The following PTPRE variants were observed in gnomAD, a reference collection of about 807,000 sequenced individuals.
PTPRE encodes receptor-type tyrosine-protein phosphatase epsilon.
In PTPRE, 51 loss-of-function variants were observed where a neutral mutation model predicts 102.0. The observed-to-expected ratio is 0.50, with a 90% CI of 0.40 to 0.63. The LOEUF (loss-of-function observed/expected upper bound fraction) is 0.63. PTPRE is among the 30% of genes least tolerant of loss of function. The probability of loss-of-function intolerance (pLI) is 0.00; values close to 1 mark genes in which losing one functional copy is unlikely to be tolerated. For missense variants in PTPRE, 752 were observed against 915.1 expected, an observed-to-expected ratio of 0.82 and a Z score of 2.30; for synonymous variants, 345 against 348.2, an observed-to-expected ratio of 0.99 and a Z score of 0.10.
At chr10:127,936,343 T>A (rs745560931) in intron 1 of PTPRE, among the ~76,000 whole-genome samples, 11 of 152,250 alleles carry the variant, frequency 7.2e-5, no homozygotes, top group Non-Finnish European at 1.0e-4. Flanking sequence ...CTGGTTTTTT[T>A]AATAAAAACA....
At chr10:127,936,794 C>T (rs1281232260) in intron 1 of PTPRE, among the ~76,000 whole-genome samples, 1 of 152,160 alleles carries the variant, frequency 6.6e-6, no homozygotes, top group African/African-American at 2.4e-5. Flanking sequence ...GACCCACCCC[C>T]CACCAGAACC....
chr10:127,934,290 G>A (rs997105746), intron 1 of PTPRE: 2 of 152,170 alleles, frequency 1.3e-5, no homozygotes, highest in African/African-American at 2.4e-5. Flanking sequence ...TTGAGAGCCT[G>A]AATGTGAACC....
At chr10:127,971,716 T>C (rs1273453702) in intron 1 of PTPRE, among the ~76,000 whole-genome samples, 1 of 152,220 alleles carries the variant, frequency 6.6e-6, no homozygotes, top group Non-Finnish European at 1.5e-5. Context: ...GAAGGAGGTT[T>C]ATTAGAATCT....
chr10:127,925,468 A>G (rs1221659993), intron 1 of PTPRE, among the ~76,000 whole-genome samples: 1 of 152,114 alleles, frequency 6.6e-6, no homozygotes, highest in Non-Finnish European at 1.5e-5. Flanking sequence ...TGGTTAACTT[A>G]GTGAGAAAGG....
chr10:127,964,838 C>G (rs1475190452), intron 1 of PTPRE: 1 of 315,084 alleles, frequency 3.2e-6, no homozygotes. Context: ...TAAGCGCTTG[C>G]AGCCAGTTGT....
At position 128,028,816 on chromosome 10, in the gene PTPRE, C is replaced by A. The variant is rs1297354871; in HGVS notation, c.-7-12059C>A. Reference sequence around the variant, plus strand: ...ATGCGACCCAGTCCCCACCCATGGCCACTCACTTCCACCCTGCCCCGGCCC... The same window carrying A: ...ATGCGACCCAGTCCCCACCCATGGCAACTCACTTCCACCCTGCCCCGGCCC... On this transcript the variant is annotated intron_variant, in intron 2 of 20. Coordinates refer to ENST00000254667, the MANE Select transcript of PTPRE (RefSeq NM_006504.6). This position sits in a 1 kb window ranked among gnomAD's most constrained non-coding sequence, Gnocchi z 4.5. 6.6e-6 allele frequency among the ~76,000 whole-genome samples: 1 copy of A among 152,140 alleles called. No homozygotes were observed. Among genetic ancestry groups the A allele is most frequent in the African/African-American group, 2.4e-5 (1 of 41,438 alleles).
intron 2 of PTPRE, among the ~76,000 whole-genome samples, chr10:128,009,970 T>G (rs1451106015): frequency 6.6e-6 from 1 of 152,206 alleles, no homozygotes; most frequent in Non-Finnish European, 1.5e-5. Flanking sequence ...CACTGAGCAA[T>G]GACCATGAGC....
At chr10:127,939,638 A>G (rs1470749918) in intron 1 of PTPRE, among the ~76,000 whole-genome samples, 2 of 152,112 alleles carry the variant, frequency 1.3e-5, no homozygotes, top group Admixed American at 1.3e-4. Flanking sequence ...GCTCTTCCAC[A>G]TGGTCAGGAT....
intron 1 of PTPRE, among the ~76,000 whole-genome samples, chr10:127,977,492 A>C (rs892768174): frequency 6.6e-6 from 1 of 152,210 alleles, no homozygotes; most frequent in Non-Finnish European, 1.5e-5. Context: ...AGCAACCTAC[A>C]TTCTGCCCAC....
intron 1 of PTPRE, among the ~76,000 whole-genome samples, chr10:127,961,938 G>T (rs1025117995): frequency 2.0e-5 from 3 of 152,142 alleles, no homozygotes; most frequent in African/African-American, 7.2e-5. Context: ...TATGAAATTG[G>T]TTCTGCAGGA....
intron 8 of PTPRE, among the ~76,000 whole-genome samples, chr10:128,061,444 G>A (rs1212505196): frequency 1.3e-5 from 2 of 152,220 alleles, no homozygotes; most frequent in Admixed American, 1.3e-4. Flanking sequence ...CTGCATGTCT[G>A]CTTGTGGGTG....
intron 1 of PTPRE, among the ~76,000 whole-genome samples, chr10:127,955,760 A>C (rs1198244131): frequency 6.6e-6 from 1 of 152,196 alleles, no homozygotes; most frequent in Non-Finnish European, 1.5e-5. Flanking sequence ...GGTTTAATTG[A>C]CTAACAGTTC....
At chr10:127,926,457 C>T (rs978852852) in intron 1 of PTPRE, among the ~76,000 whole-genome samples, 2 of 152,228 alleles carry the variant, frequency 1.3e-5, no homozygotes, top group Non-Finnish European at 2.9e-5. Flanking sequence ...TCACCTCCAA[C>T]ATTTCTGTTT....
At chr10:128,074,767 G>A (rs1851086278) in intron 17 of PTPRE, among the ~76,000 whole-genome samples, 2 of 152,090 alleles carry the variant, frequency 1.3e-5, no homozygotes, top group African/African-American at 4.8e-5. Flanking sequence ...TATATACTAG[G>A]AGCGGAATTG....
In PTPRE at chr10:128,070,602, G is replaced by T; in HGVS notation, c.1293+152G>T. On this transcript the variant is annotated intron_variant, in intron 14 of 20. Transcript: ENST00000254667. This position sits in a 1 kb window ranked among gnomAD's most constrained non-coding sequence, Gnocchi z 4.8. ...GCAATACCTGAGCCATGATTTACAA[G>T]GGAAGAAGGATCAGGTGGCTTTCAG... 1 of 1,232,540 alleles carries T rather than the reference G, an allele frequency of 8.1e-7. No individual in the cohort carries two copies. The highest frequency in any genetic ancestry group is 1.1e-6 in the Non-Finnish European group (1 of 902,572). 76.4% of individuals were successfully genotyped at this position (1,232,540 alleles called of 1,614,324 possible). A position where few individuals can be genotyped will look rare whatever the true frequency, so the allele number is the denominator to read the frequency against.
rs560809529 is a variant in PTPRE at position 128,077,325 on chromosome 10, A to G, written c.1726-292A>G. On this transcript the variant is annotated intron_variant, in intron 18 of 20. Coordinates refer to ENST00000254667, the MANE Select transcript of PTPRE (RefSeq NM_006504.6). ...TTGAGAAAGTGATTCCCTTCTCTCCAGCAGAGCTGCCAAGGATCCCGTAGG... is the reference window on the plus strand; with the variant it reads ...TTGAGAAAGTGATTCCCTTCTCTCCGGCAGAGCTGCCAAGGATCCCGTAGG... 6.4e-3 allele frequency among the ~76,000 whole-genome samples: 968 copies of G among 152,364 alleles called. 12 individuals carry two copies. Among genetic ancestry groups the G allele is most frequent in the African/African-American group, 0.022 (929 of 41,582 alleles).
At chr10:128,000,246 T>C (rs994272207) in intron 2 of PTPRE, among the ~76,000 whole-genome samples, 1 of 152,238 alleles carries the variant, frequency 6.6e-6, no homozygotes, top group Non-Finnish European at 1.5e-5. Context: ...ATTAAATTGA[T>C]ACTTAACGTA....
At chr10:128,064,872 G>T (rs1210135906) in intron 10 of PTPRE, among the ~76,000 whole-genome samples, 1 of 152,180 alleles carries the variant, frequency 6.6e-6, no homozygotes, top group Non-Finnish European at 1.5e-5. Flanking sequence ...AAACACAGCT[G>T]CCCTGGCATC....
intron 2 of PTPRE, among the ~76,000 whole-genome samples, chr10:127,987,627 C>T (rs147080549): frequency 1.3e-5 from 2 of 152,268 alleles, no homozygotes; most frequent in Non-Finnish European, 2.9e-5. Context: ...GTCGATAGTG[C>T]ACTGGGGATG....
Sources: gnomAD v4.1 joint callset for allele counts (sites outside exome capture counted in the v4.1 genomes callset) on GRCh38, gnomAD v4.1.1 for gene constraint, Gnocchi (gnomAD v3.1) non-coding constraint, MANE v1.5 for transcripts, NCBI Gene and HGNC (gene_info 2026-07-23, HGNC 2026-07-21) for gene names.